WWOX: variants seen among roughly 807,000 people sequenced by gnomAD.
The protein encoded by WWOX is WW domain-containing oxidoreductase.
WWOX carries 69 observed loss-of-function variants against 46.2 expected under a neutral mutation model. The observed-to-expected ratio is 1.49, with a 90% CI of 1.23 to 1.82. WWOX has a LOEUF of 1.82. WWOX is among the 40% of genes most tolerant of loss of function. The probability of loss-of-function intolerance (pLI) is 0.00; values close to 1 mark genes in which losing one functional copy is unlikely to be tolerated. For missense variants in WWOX, 919 were observed against 542.6 expected, an observed-to-expected ratio of 1.69 and a Z score of -6.89; for synonymous variants, 359 against 202.6, an observed-to-expected ratio of 1.77 and a Z score of -6.56.
intron 8 of WWOX, among the ~76,000 whole-genome samples, chr16:79,107,559 A>G (rs1034146169): frequency 2.6e-5 from 4 of 152,242 alleles, no homozygotes; most frequent in Admixed American, 2.0e-4. Context: ...GATAGCCCAA[A>G]GACCAGCCTG....
intron 5 of WWOX, among the ~76,000 whole-genome samples, chr16:78,326,577 GCCCC>G (rs60010994): frequency 3.1e-5 from 1 of 32,778 alleles, no homozygotes; most frequent in Non-Finnish European, 5.1e-5. Context: ...CCCTCCCCCC[GCCCC>G]CCCCCCCCGC....
intron 5 of WWOX, among the ~76,000 whole-genome samples, chr16:78,183,987 C>T (rs556594708): frequency 5.5e-4 from 84 of 152,270 alleles, no homozygotes; most frequent in Non-Finnish European, 9.0e-4. Flanking sequence ...TTTGGGCAGG[C>T]TTCAGCAACT....
chr16:78,424,033 CAGCT>C (rs1333372009), intron 6 of WWOX, among the ~76,000 whole-genome samples: 2 of 151,702 alleles, frequency 1.3e-5, no homozygotes, highest in Non-Finnish European at 2.9e-5. Flanking sequence ...GTTTTATTAA[CAGCT>C]AGCAAGTGCT....
chr16:78,965,898 T>C (rs2046355288), intron 8 of WWOX, among the ~76,000 whole-genome samples: 1 of 152,180 alleles, frequency 6.6e-6, no homozygotes, highest in Admixed American at 6.5e-5. Flanking sequence ...ATTGCCGTGG[T>C]TTATACAATT....
At chr16:78,127,601 G>T (rs887107080) in intron 4 of WWOX, among the ~76,000 whole-genome samples, 4 of 150,366 alleles carry the variant, frequency 2.7e-5, no homozygotes, top group African/African-American at 9.8e-5. Context: ...GGGAAAAAGA[G>T]AAGGAAAACT....
chr16:78,101,565 C>T (rs958138328), intron 1 of WWOX, among the ~76,000 whole-genome samples: 7 of 152,064 alleles, frequency 4.6e-5, no homozygotes, highest in African/African-American at 1.7e-4. Flanking sequence ...AAGTGATCCG[C>T]CCACCTCGGC....
At chr16:78,326,069 G>A (rs529516656) in intron 5 of WWOX, among the ~76,000 whole-genome samples, 4 of 152,252 alleles carry the variant, frequency 2.6e-5, no homozygotes, top group African/African-American at 4.8e-5. Flanking sequence ...AGGTAGGAGT[G>A]AATCTCTGTC....
chr16:78,809,044 C>G (rs1334633637), intron 8 of WWOX, among the ~76,000 whole-genome samples: 1 of 152,078 alleles, frequency 6.6e-6, no homozygotes, highest in Non-Finnish European at 1.5e-5. Context: ...TTCATACCAA[C>G]TGCAGCTAAT....
chr16:78,499,149 C>A (rs1213803727), intron 8 of WWOX, among the ~76,000 whole-genome samples: 3 of 151,962 alleles, frequency 2.0e-5, no homozygotes, highest in Non-Finnish European at 2.9e-5. Flanking sequence ...TCTCTTTCCT[C>A]GTGATGCACG....
chr16:78,686,526 A>G (rs2047864505), intron 8 of WWOX, among the ~76,000 whole-genome samples: 1 of 152,044 alleles, frequency 6.6e-6, no homozygotes, highest in South Asian at 2.1e-4. Flanking sequence ...AAAAAAAGAA[A>G]TCTGTTAGAA....
chr16:78,776,164 C>T (rs1235972626), intron 8 of WWOX, among the ~76,000 whole-genome samples: 2 of 152,116 alleles, frequency 1.3e-5, no homozygotes, highest in African/African-American at 2.4e-5. Context: ...AAAAATGATT[C>T]TGCATTCATC....
intron 8 of WWOX, among the ~76,000 whole-genome samples, chr16:78,788,090 G>C (rs1350410274): frequency 1.3e-5 from 2 of 152,076 alleles, no homozygotes; most frequent in African/African-American, 4.8e-5. Flanking sequence ...CTCAATCTAT[G>C]GGTAGGCTTT....
intron 6 of WWOX, among the ~76,000 whole-genome samples, chr16:78,411,683 T>A (rs1430363814): frequency 6.6e-6 from 1 of 152,230 alleles, no homozygotes; most frequent in Admixed American, 6.5e-5. Context: ...TTAACTAGGC[T>A]TTAACCAGTA....
chr16:78,254,840 C>T (rs2038083997), intron 5 of WWOX, among the ~76,000 whole-genome samples: 1 of 152,164 alleles, frequency 6.6e-6, no homozygotes, highest in Non-Finnish European at 1.5e-5. Context: ...ACTTCCCTTT[C>T]TAAGAGCCCT....
chr16:78,940,173 T>A (rs2045823478), intron 8 of WWOX, among the ~76,000 whole-genome samples: 1 of 152,192 alleles, frequency 6.6e-6, no homozygotes, highest in South Asian at 2.1e-4. Context: ...ATGCAGATTC[T>A]TAAAGCATGA....
intron 5 of WWOX, among the ~76,000 whole-genome samples, chr16:78,315,791 T>C (rs1167733663): frequency 6.6e-6 from 1 of 152,134 alleles, no homozygotes; most frequent in Non-Finnish European, 1.5e-5. Context: ...TTCAGATGGG[T>C]AACTCAGGTA....
intron 8 of WWOX, among the ~76,000 whole-genome samples, chr16:78,505,274 A>G (rs1374565479): frequency 1.3e-5 from 2 of 152,176 alleles, no homozygotes; most frequent in Non-Finnish European, 2.9e-5. Flanking sequence ...TTCTGTTTAT[A>G]TTATTTCATA....
intron 8 of WWOX, among the ~76,000 whole-genome samples, chr16:78,787,891 G>C (rs1021315712): frequency 6.6e-6 from 1 of 152,122 alleles, no homozygotes; most frequent in Admixed American, 6.5e-5. Context: ...TTTCCCTCAT[G>C]ATTAATGATG....
At chr16:78,901,781 G>C (rs2044837545) in intron 8 of WWOX, among the ~76,000 whole-genome samples, 1 of 152,216 alleles carries the variant, frequency 6.6e-6, no homozygotes, top group South Asian at 2.1e-4. Context: ...GAGCCACTGC[G>C]CCTAGCGAGG....
Sources: allele counts gnomAD v4.1 joint callset (sites outside exome capture counted in the v4.1 genomes callset), GRCh38; gene constraint gnomAD v4.1.1; transcripts MANE v1.5; gene names NCBI Gene and HGNC (gene_info 2026-07-23, HGNC 2026-07-21).